Variants in SHISA9 observed in about 807,000 individuals in gnomAD.
SHISA9 encodes shisa family member 9.
SHISA9 carries 13 observed loss-of-function variants against 38.0 expected under a neutral mutation model. The observed-to-expected ratio is 0.34, with a 90% CI of 0.22 to 0.54. The LOEUF is 0.54. SHISA9 is among the 20% of genes least tolerant of loss of function. The pLI is 0.91. For synonymous variants in SHISA9, 275 were observed against 242.0 expected (o/e 1.14, Z -1.27); for missense variants, 538 against 575.8 (o/e 0.93, Z 0.67).
At position 13,005,618 on chromosome 16, in the gene SHISA9, G is replaced by A. The variant is rs188363077; in HGVS notation, c.691+88803G>A. Among the ~76,000 whole-genome samples, 8 of 152,236 alleles carry A rather than the reference G, an allele frequency of 5.3e-5. No homozygotes were observed. In the East Asian group the frequency reaches 1.5e-3, roughly 29 times the overall value. ...GGGTTCTTGGATTGACTTTTACCAGGAAAATCTGGGTACCTTCTCATCCCT... is the reference window on the plus strand; with the variant it reads ...GGGTTCTTGGATTGACTTTTACCAGAAAAATCTGGGTACCTTCTCATCCCT... On this transcript the variant is annotated intron_variant, in intron 2 of 4. Transcript: ENST00000558583.
chr16:13,377,693 C>G, the SHISA9 span, among the ~76,000 whole-genome samples: 14 of 152,294 alleles, frequency 9.2e-5, no homozygotes, highest in South Asian at 2.9e-3. Flanking sequence ...ATAATGTTCC[C>G]TCTTGGGAAT....
chr16:13,296,217 GT>G, the SHISA9 span, among the ~76,000 whole-genome samples: 564 of 140,606 alleles, frequency 4.0e-3, 3 homozygotes, highest in African/African-American at 0.011. Context: ...CTGCTTTTTT[GT>G]TTTTTTTTTT....
At chr16:13,144,454 G>T (rs191208473) in intron 2 of SHISA9, among the ~76,000 whole-genome samples, 1 of 152,026 alleles carries the variant, frequency 6.6e-6, no homozygotes, top group Admixed American at 6.6e-5. Context: ...CCTGGCTGGG[G>T]CTAGTTCTTG....
chr16:12,923,870 T>C (rs960760542), intron 2 of SHISA9, among the ~76,000 whole-genome samples: 2 of 151,328 alleles, frequency 1.3e-5, no homozygotes, highest in Admixed American at 1.3e-4. Flanking sequence ...GAGTTATCAG[T>C]GACATCATAG....
chr16:13,220,201 T>C (rs530517703), intron 4 of SHISA9, among the ~76,000 whole-genome samples: 1 of 152,188 alleles, frequency 6.6e-6, no homozygotes, highest in Non-Finnish European at 1.5e-5. Context: ...CTCAGGTGAT[T>C]TCACCCATCT....
At chr16:13,414,817 G>A in the SHISA9 span, among the ~76,000 whole-genome samples, 8 of 151,944 alleles carry the variant, frequency 5.3e-5, no homozygotes, top group Non-Finnish European at 7.4e-5. Flanking sequence ...ATTTTTAGTA[G>A]AGACAGGGTT....
At chr16:13,457,927 C>CCCTT in the SHISA9 span, among the ~76,000 whole-genome samples, 1 of 151,452 alleles carries the variant, frequency 6.6e-6, no homozygotes, top group African/African-American at 2.4e-5. Flanking sequence ...CTTCCTTCCT[C>CCCTT]CCTTCCTTCC....
the SHISA9 span, among the ~76,000 whole-genome samples, chr16:13,522,503 C>T: frequency 1.3e-5 from 2 of 152,094 alleles, no homozygotes; most frequent in Admixed American, 6.6e-5. Flanking sequence ...GGAGTCCCCC[C>T]CCGATTTCCT....
In SHISA9 at chr16:13,186,361, G is replaced by A. The variant is rs563712778; in HGVS notation, c.692-17033G>A. The stretch of plus-strand genomic sequence containing the variant: ...CACCCAGGCTGGAGTGCAGTGGTGC[G>A]ATCTCGGCTCACTGCAACCTCTGCC... On this transcript the variant is annotated intron_variant, in intron 2 of 4. Coordinates refer to ENST00000558583, the MANE Select transcript of SHISA9 (RefSeq NM_001145204.3). Among the ~76,000 whole-genome samples the A allele has an allele frequency of 3.4e-4, 47 of 140,168 alleles. 1 individual carries two copies. The highest frequency in any genetic ancestry group is 7.8e-4 in the Admixed American group (10 of 12,812). The allele number at this position is 140,168 out of a possible 152,430, so 92.0% of individuals were successfully genotyped here. A position where few individuals can be genotyped will look rare whatever the true frequency, so the allele number is the denominator to read the frequency against.
intron 2 of SHISA9, among the ~76,000 whole-genome samples, chr16:13,169,900 G>A (rs1373244259): frequency 6.6e-6 from 1 of 152,016 alleles, no homozygotes; most frequent in Non-Finnish European, 1.5e-5. Flanking sequence ...ATTTAAAATA[G>A]GTATTTAAAA....
At chr16:12,961,379 T>C (rs1023098765) in intron 2 of SHISA9, among the ~76,000 whole-genome samples, 13 of 152,154 alleles carry the variant, frequency 8.5e-5, no homozygotes, top group African/African-American at 3.1e-4. Flanking sequence ...TGGAGATCCA[T>C]GGAAGGAATT....
At chr16:13,367,365 C>T in the SHISA9 span, among the ~76,000 whole-genome samples, 1 of 148,920 alleles carries the variant, frequency 6.7e-6, no homozygotes, top group Non-Finnish European at 1.5e-5. Context: ...CCACGGGTAC[C>T]ATTTATTAAG....
At chr16:13,243,215 T>C (rs431089), downstream of SHISA9, among the ~76,000 whole-genome samples, 125,833 of 151,326 alleles carry the variant, frequency 0.83, 52,580 homozygotes, top group East Asian at 0.91. Flanking sequence ...ACTCCAACCC[T>C]GGGTGACAGT....
the SHISA9 span, among the ~76,000 whole-genome samples, chr16:13,308,969 T>C: frequency 6.6e-6 from 1 of 152,298 alleles, no homozygotes; most frequent in South Asian, 2.1e-4. Flanking sequence ...ACAACTACAT[T>C]ATGTGGGGAG....
intron 2 of SHISA9, among the ~76,000 whole-genome samples, chr16:12,989,394 T>C (rs892292708): frequency 6.6e-6 from 1 of 152,042 alleles, no homozygotes; most frequent in East Asian, 1.9e-4. Flanking sequence ...GCCAGGCTGG[T>C]CTCGAACTCC....
At chr16:13,183,044 G>A (rs2050791185) in intron 2 of SHISA9, among the ~76,000 whole-genome samples, 1 of 152,144 alleles carries the variant, frequency 6.6e-6, no homozygotes, top group South Asian at 2.1e-4. Flanking sequence ...ATGTAGCCTG[G>A]GCTTCCCTAC....
chr16:13,067,103 A>G (rs2073444117), intron 2 of SHISA9, among the ~76,000 whole-genome samples: 1 of 152,232 alleles, frequency 6.6e-6, no homozygotes, highest in South Asian at 2.1e-4. Flanking sequence ...AGGTAGAAAC[A>G]CTATATGGAG....
the SHISA9 span, among the ~76,000 whole-genome samples, chr16:13,342,592 A>T: frequency 6.6e-6 from 1 of 152,256 alleles, no homozygotes; most frequent in South Asian, 2.1e-4. Context: ...GGCTCAACTT[A>T]TTCCTTTGTG....
At chr16:12,956,953 T>C (rs2071844057) in intron 2 of SHISA9, among the ~76,000 whole-genome samples, 1 of 152,204 alleles carries the variant, frequency 6.6e-6, no homozygotes, top group Admixed American at 6.5e-5. Flanking sequence ...CAATAATGTA[T>C]ATATATTCAT....
Sources: gnomAD v4.1 joint callset for allele counts (sites outside exome capture counted in the v4.1 genomes callset) on GRCh38, gnomAD v4.1.1 for gene constraint, MANE v1.5 for transcripts, NCBI Gene and HGNC (gene_info 2026-07-23, HGNC 2026-07-21) for gene names.